Variants in CACNG2 observed in about 807,000 individuals in gnomAD.
The protein encoded by CACNG2 is voltage-dependent calcium channel gamma-2 subunit.
CACNG2 carries 3 observed loss-of-function variants against 25.9 expected under a neutral mutation model. That is an observed-to-expected ratio of 0.12 (90% CI 0.05 to 0.30). CACNG2 has a LOEUF of 0.30. Ranked by LOEUF, CACNG2 falls within the 10% of genes least tolerant of loss-of-function variation. The probability of loss-of-function intolerance (pLI) is 1.00; values close to 1 mark genes in which losing one functional copy is unlikely to be tolerated. For missense variants in CACNG2, 341 were observed against 432.5 expected (o/e 0.79, Z 1.88); for synonymous variants, 167 against 173.3 (o/e 0.96, Z 0.29).
chr22:36,633,272 G>C (rs1462186346), intron 1 of CACNG2, among the ~76,000 whole-genome samples: 2 of 152,222 alleles, frequency 1.3e-5, no homozygotes, highest in Non-Finnish European at 2.9e-5. Context: ...TTCTATAACA[G>C]TGTTTGGCAC....
At chr22:36,600,413 C>T (rs1307197580) in intron 1 of CACNG2, among the ~76,000 whole-genome samples, 1 of 147,320 alleles carries the variant, frequency 6.8e-6, no homozygotes, top group Non-Finnish European at 1.5e-5. Context: ...CCACACCCGT[C>T]CTGTCTTTTT....
rs753714586 is a variant in CACNG2, at chr22:36,566,470, A to T, written c.319T>A (p.Phe107Ile). 1 of 1,614,060 alleles carries T rather than the reference A, an allele frequency of 6.2e-7. No individual in the cohort carries two copies. The highest frequency in any genetic ancestry group is 1.3e-5 in the African/African-American group (1 of 74,940). The change falls in exon 3 of 4, where the codon TTC becomes ATC. Residue 107 changes from phenylalanine to isoleucine, a missense_variant. This residue lies in a region of CACNG2 where 169 missense variants were observed against 254.4 expected (regional missense o/e 0.66). Coordinates refer to ENST00000300105, the MANE Select transcript of CACNG2 (RefSeq NM_006078.5). ...AGCAGAATCACACTCAGGATTGGGA[A>T]AATGCTGGAGGCCCTCACGGCCCCT... ...FLRAVRASSIFPILSVILLFM... is the reference protein window; with the variant it reads ...FLRAVRASSIIPILSVILLFM...
intron 1 of CACNG2, among the ~76,000 whole-genome samples, chr22:36,592,861 G>A (rs559967757): frequency 2.0e-5 from 3 of 152,186 alleles, no homozygotes; most frequent in Non-Finnish European, 4.4e-5. Context: ...GCAGCCCCAG[G>A]AGGTCAGGGC....
chr22:36,631,347 T>C (rs1024831962), intron 1 of CACNG2, among the ~76,000 whole-genome samples: 27 of 152,222 alleles, frequency 1.8e-4, no homozygotes, highest in African/African-American at 6.5e-4. Context: ...CTGGGGTGCA[T>C]GTGACCCTTC....
intron 1 of CACNG2, among the ~76,000 whole-genome samples, chr22:36,675,948 G>C (rs182222076): frequency 1.3e-5 from 2 of 152,356 alleles, no homozygotes; most frequent in Non-Finnish European, 1.5e-5. Context: ...GAAGCCTCAT[G>C]ATGACCCTAT....
chr22:36,592,530 C>A (rs937788094), intron 1 of CACNG2, among the ~76,000 whole-genome samples: 1 of 152,130 alleles, frequency 6.6e-6, no homozygotes, highest in African/African-American at 2.4e-5. Context: ...CTACAACATT[C>A]GCTGTTGTTT....
intron 3 of CACNG2, among the ~76,000 whole-genome samples, chr22:36,565,844 G>T (rs1805647113): frequency 6.6e-6 from 1 of 152,136 alleles, no homozygotes; most frequent in Non-Finnish European, 1.5e-5. Context: ...TCTTTTTCTG[G>T]CATCTGAAGT....
At chr22:36,659,518 G>A (rs1235520974) in intron 1 of CACNG2, among the ~76,000 whole-genome samples, 1 of 152,012 alleles carries the variant, frequency 6.6e-6, no homozygotes, top group Non-Finnish European at 1.5e-5. Flanking sequence ...GGAAGGGTAT[G>A]CCGTGGAGTC....
chr22:36,680,269 A>G (rs1937087799), intron 1 of CACNG2, among the ~76,000 whole-genome samples: 1 of 151,404 alleles, frequency 6.6e-6, no homozygotes, highest in Non-Finnish European at 1.5e-5. Flanking sequence ...CACCACCACC[A>G]TCACCACCAT....
Position 36,702,851 on chromosome 22 carries a change from G to C in CACNG2, c.-275C>G, listed in dbSNP as rs1281765778. ...AGTTGCAGTGTTTTTTTTTTAAAAA[G>C]AAAAGGAAAAAAAAAATAAAAAGAC... On this transcript the variant is annotated 5_prime_UTR_variant, in exon 1 of 4. Transcript: ENST00000300105. The C allele has an allele frequency of 4.3e-6, 1 of 234,596 alleles. No individual in the cohort carries two copies. Among genetic ancestry groups the C allele is most frequent in the Non-Finnish European group, 7.8e-6 (1 of 128,100 alleles). The allele number at this position is 234,596 out of a possible 1,614,324, so 14.5% of individuals were successfully genotyped here.
At chr22:36,566,990 C>T (rs1935137873) in intron 2 of CACNG2, among the ~76,000 whole-genome samples, 1 of 152,230 alleles carries the variant, frequency 6.6e-6, no homozygotes, top group Non-Finnish European at 1.5e-5. Context: ...TATGAGCTCC[C>T]TCGTCTGCAC....
chr22:36,637,672 G>T (rs949279099), intron 1 of CACNG2, among the ~76,000 whole-genome samples: 24 of 152,086 alleles, frequency 1.6e-4, no homozygotes, highest in Admixed American at 1.6e-3. Flanking sequence ...TCAAGAGGTC[G>T]GTGAGCTGCC....
Position 36,679,136 on chromosome 22 carries a change from CCCTTCCTTCCTTCCTTCCTT to C in CACNG2, c.211+23210_211+23229del, listed in dbSNP as rs575397901. 5.0e-3 allele frequency among the ~76,000 whole-genome samples: 641 copies of C among 128,446 alleles called. 7 individuals carry two copies. Among genetic ancestry groups the C allele is most frequent in the South Asian group, 0.013 (48 of 3,590 alleles). The allele number at this position is 128,446 out of a possible 152,430, so 84.3% of individuals were successfully genotyped here. ...TATCTGCCAGCATTTTGGATTTTCT[CCCTTCCTTCCTTCCTTCCTT>C]CCTTCCTTCCTTCCTTCCTTCCTTC... On this transcript the variant is annotated intron_variant, in intron 1 of 3. Coordinates refer to ENST00000300105, the MANE Select transcript of CACNG2 (RefSeq NM_006078.5).
Position 36,564,308 on chromosome 22 carries a change from A to T in CACNG2, c.*43T>A, listed in dbSNP as rs752046433. ...TCCCCGCCCCGCCCCGCCCCCGGGG[A>T]CCGCGCCCTCCTCCCGCGGTCTTCT... On this transcript the variant is annotated 3_prime_UTR_variant, in exon 4 of 4. Transcript: ENST00000300105. This position sits in a 1 kb window ranked among gnomAD's most constrained non-coding sequence, Gnocchi z 6.7. 7 of 1,552,648 alleles carry T rather than the reference A, an allele frequency of 4.5e-6. No homozygotes were observed. In the South Asian group the frequency reaches 8.0e-5, roughly 18 times the overall value.
intron 1 of CACNG2, among the ~76,000 whole-genome samples, chr22:36,700,527 C>T (rs185379699): frequency 2.0e-5 from 3 of 152,338 alleles, no homozygotes; most frequent in South Asian, 2.1e-4. Flanking sequence ...TAACTAAAAT[C>T]CAAGGAAAGC....
At chr22:36,643,956 T>C (rs1462962188) in intron 1 of CACNG2, among the ~76,000 whole-genome samples, 1 of 152,186 alleles carries the variant, frequency 6.6e-6, no homozygotes, top group Non-Finnish European at 1.5e-5. Context: ...AGAGAAATTC[T>C]CAGGCAGTCT....
At chr22:36,587,843 G>C (rs144037921) in intron 1 of CACNG2, among the ~76,000 whole-genome samples, 2 of 152,194 alleles carry the variant, frequency 1.3e-5, no homozygotes, top group Admixed American at 6.5e-5. Context: ...GTTTGATTCC[G>C]AGCTGGGGAC....
chr22:36,687,056 C>T (rs756314081), intron 1 of CACNG2, among the ~76,000 whole-genome samples: 1 of 152,246 alleles, frequency 6.6e-6, no homozygotes, highest in South Asian at 2.1e-4. Context: ...TGACAGGTGC[C>T]CTTTGCCCTT....
At chr22:36,645,463 A>T (rs532816314) in intron 1 of CACNG2, among the ~76,000 whole-genome samples, 11 of 150,280 alleles carry the variant, frequency 7.3e-5, no homozygotes, top group African/African-American at 2.7e-4. Flanking sequence ...CATGAACCCC[A>T]GAGGCGGAGC....
Sources: allele counts gnomAD v4.1 joint callset (sites outside exome capture counted in the v4.1 genomes callset), GRCh38; gene constraint gnomAD v4.1.1; regional missense constraint gnomAD v4.1.1; non-coding constraint Gnocchi (gnomAD v3.1); transcripts MANE v1.5; gene names NCBI Gene and HGNC (gene_info 2026-07-23, HGNC 2026-07-21).